Variants in MAP3K7 observed in about 807,000 individuals in gnomAD.
MAP3K7 encodes mitogen-activated protein kinase kinase kinase 7, also known as TGF-beta activated kinase 1.
In MAP3K7, 21 loss-of-function variants were observed where a neutral mutation model predicts 84.8. That is an observed-to-expected ratio of 0.25 (90% confidence interval 0.18 to 0.36). The LOEUF is 0.36. Ranked by LOEUF, MAP3K7 falls within the 10% of genes least tolerant of loss-of-function variation. The pLI is 1.00. For synonymous variants in MAP3K7, 241 were observed against 247.7 expected, an observed-to-expected ratio of 0.97 and a Z score of 0.25; for missense variants, 503 against 747.7, an observed-to-expected ratio of 0.67 and a Z score of 3.82.
At chr6:90,539,066 G>A (rs369218620) in intron 12 of MAP3K7, among the ~76,000 whole-genome samples, 1 of 151,870 alleles carries the variant, frequency 6.6e-6, no homozygotes, top group East Asian at 1.9e-4. Context: ...AAAATGCATA[G>A]CATGATACAC....
intron 9 of MAP3K7, 76 bp from the exon 10 acceptor site, chr6:90,548,253 A>T (rs1203365465): frequency 1.1e-5 from 14 of 1,275,764 alleles, no homozygotes; most frequent in Non-Finnish European, 1.4e-5. Context: ...TGTAACTTAC[A>T]TTCTTTTATA....
chr6:90,573,428 T>C (rs1216272616), intron 1 of MAP3K7, among the ~76,000 whole-genome samples: 5 of 152,128 alleles, frequency 3.3e-5, no homozygotes, highest in Non-Finnish European at 7.3e-5. Context: ...ATAATAATAA[T>C]ATTAGGACAC....
intron 3 of MAP3K7, among the ~76,000 whole-genome samples, chr6:90,563,750 C>T (rs1017364522): frequency 3.9e-5 from 6 of 152,114 alleles, no homozygotes; most frequent in Non-Finnish European, 8.8e-5. Context: ...AAGAGCAACT[C>T]CAAGATACAT....
Position 90,515,224 on chromosome 6 carries a change from T to G in MAP3K7, c.*1277A>C, listed in dbSNP as rs1774921047. The stretch of plus-strand genomic sequence containing the variant: ...AAATCAGACTGATGACATCCTTATT[T>G]AAAAGACATCTTGTACTGGTATCAA... On this transcript the variant is annotated 3_prime_UTR_variant, in exon 17 of 17. Coordinates refer to ENST00000369329, the MANE Select transcript of MAP3K7 (RefSeq NM_145331.3). The G allele has an allele frequency of 6.6e-6, 1 of 151,978 alleles. No homozygotes were observed. The highest frequency in any genetic ancestry group is 1.5e-5 in the Non-Finnish European group (1 of 67,908). 9.4% of individuals were successfully genotyped at this position (151,978 alleles called of 1,614,324 possible). A position where few individuals can be genotyped will look rare whatever the true frequency, so the allele number is the denominator to read the frequency against.
At chr6:90,568,830 T>C (rs1776803756) in intron 2 of MAP3K7, among the ~76,000 whole-genome samples, 1 of 152,186 alleles carries the variant, frequency 6.6e-6, no homozygotes. Flanking sequence ...CTCCAGCTCA[T>C]ACAGTTTAGC....
At chr6:90,561,177 A>G (rs1776500856) in intron 4 of MAP3K7, among the ~76,000 whole-genome samples, 1 of 152,114 alleles carries the variant, frequency 6.6e-6, no homozygotes, top group Non-Finnish European at 1.5e-5. Context: ...GTAACTACAC[A>G]AAGTTTTTTT....
chr6:90,534,044 T>C (rs901612322), intron 13 of MAP3K7, among the ~76,000 whole-genome samples: 1 of 152,198 alleles, frequency 6.6e-6, no homozygotes, highest in African/African-American at 2.4e-5. Flanking sequence ...TCCTCTCAAA[T>C]GGATGGCAGC....
chr6:90,572,252 T>C (rs542825385), intron 1 of MAP3K7, among the ~76,000 whole-genome samples: 4 of 151,960 alleles, frequency 2.6e-5, no homozygotes, highest in South Asian at 4.1e-4. Flanking sequence ...TCAACAGGGA[T>C]AGGGAATGGA....
At position 90,587,062 on chromosome 6, in the gene MAP3K7, C is replaced by T. The variant is rs560929749; in HGVS notation, c.-179G>A. On this transcript the variant is annotated 5_prime_UTR_variant, in exon 1 of 17. Transcript: ENST00000369329. Reference sequence around the variant, plus strand: ...GCCGTGTCCGGCTCTGGCTCCGCTGCGTTTTCCGCCGACGGGCCCCGCCCA... The same window carrying T: ...GCCGTGTCCGGCTCTGGCTCCGCTGTGTTTTCCGCCGACGGGCCCCGCCCA... 8 of 657,824 alleles carry T rather than the reference C, an allele frequency of 1.2e-5. 1 individual carries two copies. Among genetic ancestry groups the T allele is most frequent in the Non-Finnish European group, 1.8e-5 (8 of 436,686 alleles). The allele number at this position is 657,824 out of a possible 1,614,324, so 40.7% of individuals were successfully genotyped here. A position where few individuals can be genotyped will look rare whatever the true frequency, so the allele number is the denominator to read the frequency against.
intron 1 of MAP3K7, among the ~76,000 whole-genome samples, chr6:90,582,299 A>G (rs762199854): frequency 5.3e-5 from 8 of 152,216 alleles, no homozygotes; most frequent in Non-Finnish European, 1.2e-4. Context: ...CACATGTAAT[A>G]TAAGAGAACA....
chr6:90,556,325 A>C (rs946458228), intron 6 of MAP3K7, among the ~76,000 whole-genome samples, 175 bp downstream of exon 6: 1 of 152,252 alleles, frequency 6.6e-6, no homozygotes, highest in African/African-American at 2.4e-5. Flanking sequence ...GAAGATTTAA[A>C]TCTTACTATA....
Position 90,516,633 on chromosome 6 carries a change from A to G in MAP3K7, c.1689T>C (p.Asn563=), listed in dbSNP as rs754275108. 1 of 1,611,090 alleles carries G rather than the reference A, an allele frequency of 6.2e-7. No homozygotes were observed. The highest frequency in any genetic ancestry group is 1.3e-5 in the African/African-American group (1 of 74,694). Residue 563 remains asparagine, a synonymous_variant, in exon 17 of 17, where the codon AAT becomes AAC. Coordinates refer to ENST00000369329, the MANE Select transcript of MAP3K7 (RefSeq NM_145331.3). The stretch of plus-strand genomic sequence containing the variant: ...TATGTTCCTGTACCAGGCGAGATGT[A>G]TTTTGCTGGTCCTTTTCATCCTGGT... The part of the protein sequence containing the change: ...ELDQDEKDQQ[N]TSRLVQEHKK...
Position 90,553,474 on chromosome 6 carries a change from CAT to C in MAP3K7, c.718_719del (p.Met240ValfsTer5). The C allele has an allele frequency of 1.2e-6, 2 of 1,613,878 alleles. No homozygotes were observed. Among genetic ancestry groups the C allele is most frequent in the Non-Finnish European group, 1.7e-6 (2 of 1,179,940 alleles). On this transcript the variant is annotated frameshift_variant, in exon 7 of 17. Coordinates refer to ENST00000369329, the MANE Select transcript of MAP3K7 (RefSeq NM_145331.3). LOFTEE classifies it high-confidence loss of function. Reference sequence around the variant, plus strand: ...TTTACGAACCATTATGAACAGCCCACATGATTCGGAAAGCTGGGCCACCAATC... The same window carrying C: ...TTTACGAACCATTATGAACAGCCCACGATTCGGAAAGCTGGGCCACCAATC... ...DEIGGPAFRI[M>X]WAVHNGTRPP...
chr6:90,571,709 C>A lies in MAP3K7; in HGVS notation c.219G>T (p.Ala73=). 6.3e-7 allele frequency: 1 copy of A among 1,586,328 alleles called. No homozygotes were observed. Among genetic ancestry groups the A allele is most frequent in the African/African-American group, 1.4e-5 (1 of 73,590 alleles). The change falls in exon 2 of 17, where the codon GCG becomes GCT. Residue 73 remains alanine (A), a synonymous_variant. Coordinates refer to ENST00000369329, the MANE Select transcript of MAP3K7 (RefSeq NM_145331.3). The part of the protein sequence containing the change: ...KQIESESERK[A]FIVELRQLSR... Reference sequence around the variant, plus strand: ...AATCTCAACTTACCTCTACAATAAACGCTTTCCTCTCAGATTCACTTTCTA... The same window carrying A: ...AATCTCAACTTACCTCTACAATAAAAGCTTTCCTCTCAGATTCACTTTCTA...
At chr6:90,542,847 A>G (rs946797005) in intron 12 of MAP3K7, among the ~76,000 whole-genome samples, 2 of 152,028 alleles carry the variant, frequency 1.3e-5, no homozygotes, top group Non-Finnish European at 2.9e-5. Context: ...TTGTTGGAGA[A>G]GACTGCCTGG....
At chr6:90,540,350 T>C (rs529055815) in intron 12 of MAP3K7, among the ~76,000 whole-genome samples, 1 of 152,000 alleles carries the variant, frequency 6.6e-6, no homozygotes, top group Admixed American at 6.6e-5. Flanking sequence ...TGTTCATCTA[T>C]AGAATGGATG....
At chr6:90,583,957 C>T (rs915814507) in intron 1 of MAP3K7, among the ~76,000 whole-genome samples, 1 of 152,182 alleles carries the variant, frequency 6.6e-6, no homozygotes, top group African/African-American at 2.4e-5. Context: ...ACTAATACTA[C>T]TGAGTTACAA....
chr6:90,538,583 T>C (rs1775751647), intron 12 of MAP3K7, among the ~76,000 whole-genome samples: 1 of 151,814 alleles, frequency 6.6e-6, no homozygotes. Context: ...GAGAACAAAT[T>C]CCACTTTTTA....
At chr6:90,564,534 T>C (rs1405652220) in intron 3 of MAP3K7, among the ~76,000 whole-genome samples, 1 of 152,128 alleles carries the variant, frequency 6.6e-6, no homozygotes, top group Non-Finnish European at 1.5e-5. Context: ...CCTAAATATA[T>C]ATGCACCCAA....
Sources: allele counts gnomAD v4.1 joint callset (sites outside exome capture counted in the v4.1 genomes callset), GRCh38; gene constraint gnomAD v4.1.1; transcripts MANE v1.5; gene names NCBI Gene and HGNC (gene_info 2026-07-23, HGNC 2026-07-21).